Variants in CSMD1 observed in about 807,000 individuals in gnomAD.
CSMD1 encodes CUB and Sushi multiple domains 1.
CSMD1 carries 213 observed loss-of-function variants against 417.5 expected under a neutral mutation model. The observed-to-expected ratio is 0.51, with a 90% CI of 0.46 to 0.57. CSMD1 has a LOEUF of 0.57. Ranked by LOEUF, CSMD1 falls within the 20% of genes least tolerant of loss-of-function variation. CSMD1 has a pLI of 0.00. For synonymous variants in CSMD1, 2,862 were observed against 1,736.8 expected (o/e 1.65, Z -16.11); for missense variants, 6,923 against 4,529.7 (o/e 1.53, Z -15.17).
intron 1 of CSMD1, among the ~76,000 whole-genome samples, chr8:4,693,695 T>G (rs1272509040): frequency 1.3e-5 from 2 of 152,128 alleles, no homozygotes; most frequent in East Asian, 3.9e-4. Context: ...AGATGAGGTC[T>G]CCCTACGCTT....
In CSMD1 at chr8:3,411,906, A is replaced by ATATGCACGTATACATG. The variant is rs1352044536; in HGVS notation, c.1562-2302_1562-2301insCATGTATACGTGCATA. On this transcript the variant is annotated intron_variant, in intron 12 of 69. Transcript: ENST00000635120. ...TACACGTATATATGCACGTATATAT[A>ATATGCACGTATACATG]CACGTATATATGCACGTATATATAC... 8.4e-4 allele frequency among the ~76,000 whole-genome samples: 31 copies of ATATGCACGTATACATG among 36,828 alleles called. 3 individuals are homozygous for ATATGCACGTATACATG. The highest frequency in any genetic ancestry group is 1.7e-3 in the Admixed American group (6 of 3,596). The allele number at this position is 36,828 out of a possible 152,430, so 24.2% of individuals were successfully genotyped here.
chr8:3,158,241 T>G (rs1229118943), intron 38 of CSMD1, among the ~76,000 whole-genome samples: 1 of 152,136 alleles, frequency 6.6e-6, no homozygotes, highest in East Asian at 1.9e-4. Context: ...AGCTCCTTTC[T>G]TGATACTTAA....
chr8:3,752,927 A>G (rs1797433744), intron 6 of CSMD1, among the ~76,000 whole-genome samples: 1 of 152,178 alleles, frequency 6.6e-6, no homozygotes, highest in South Asian at 2.1e-4. Context: ...AAGATAACAG[A>G]TATTTAGACC....
At chr8:4,345,414 T>C (rs1391577830) in intron 3 of CSMD1, among the ~76,000 whole-genome samples, 2 of 152,112 alleles carry the variant, frequency 1.3e-5, no homozygotes, top group African/African-American at 2.4e-5. Context: ...ATGGATACAA[T>C]GTATAGTGAT....
chr8:4,127,461 AAAAAAAAAAAAAAAAAAAG>A (rs1447032606), intron 3 of CSMD1, among the ~76,000 whole-genome samples: 10 of 102,494 alleles, frequency 9.8e-5, no homozygotes, highest in Non-Finnish European at 2.0e-4. Context: ...ATGAAAAAAA[AAAAAAAAAAAAAAAAAAAG>A]AAAATCATAA....
intron 5 of CSMD1, among the ~76,000 whole-genome samples, chr8:3,988,805 A>G (rs1258843026): frequency 6.6e-6 from 1 of 152,224 alleles, no homozygotes; most frequent in East Asian, 1.9e-4. Context: ...ATATTTCCAA[A>G]CAACAAGGAA....
At chr8:4,881,428 T>A (rs1431045721) in intron 1 of CSMD1, among the ~76,000 whole-genome samples, 1 of 45,384 alleles carries the variant, frequency 2.2e-5, no homozygotes, top group Non-Finnish European at 6.6e-5. Context: ...TCTATCTATC[T>A]ATCTATCTAT....
chr8:4,250,441 C>A (rs566766716), intron 3 of CSMD1, among the ~76,000 whole-genome samples: 38 of 151,970 alleles, frequency 2.5e-4, no homozygotes, highest in Non-Finnish European at 4.7e-4. Flanking sequence ...GGGGAACATG[C>A]GTAATACATG....
At chr8:3,505,012 A>C (rs971862204) in intron 10 of CSMD1, among the ~76,000 whole-genome samples, 6 of 71,030 alleles carry the variant, frequency 8.4e-5, no homozygotes, top group Admixed American at 1.4e-4. Flanking sequence ...ATGGAGAAAC[A>C]GTTAAAAAAA....
chr8:3,439,785 T>C (rs979064632), intron 12 of CSMD1, among the ~76,000 whole-genome samples: 2 of 152,188 alleles, frequency 1.3e-5, no homozygotes, highest in African/African-American at 4.8e-5. Flanking sequence ...CTTTTATATG[T>C]TTACATTTAC....
chr8:3,903,026 T>C (rs1807861613), intron 5 of CSMD1, among the ~76,000 whole-genome samples: 1 of 152,144 alleles, frequency 6.6e-6, no homozygotes, highest in Non-Finnish European at 1.5e-5. Flanking sequence ...CGTTTCTGTG[T>C]TATTAAAGTA....
At chr8:3,682,356 G>A (rs1044648404) in intron 7 of CSMD1, among the ~76,000 whole-genome samples, 4 of 151,930 alleles carry the variant, frequency 2.6e-5, no homozygotes, top group African/African-American at 7.2e-5. Context: ...AAAAAAACAA[G>A]CAACCGCATC....
At chr8:3,319,014 A>G (rs1333644066) in intron 23 of CSMD1, among the ~76,000 whole-genome samples, 3 of 152,210 alleles carry the variant, frequency 2.0e-5, no homozygotes, top group Non-Finnish European at 4.4e-5. Flanking sequence ...AGATTCAGCC[A>G]TTCCTATGGA....
At chr8:3,972,542 T>G (rs1316862398) in intron 5 of CSMD1, among the ~76,000 whole-genome samples, 1 of 152,234 alleles carries the variant, frequency 6.6e-6, no homozygotes, top group Non-Finnish European at 1.5e-5. Flanking sequence ...TAAGCACGTG[T>G]GACCACATAT....
chr8:3,789,554 T>G (rs1190089942), intron 5 of CSMD1, among the ~76,000 whole-genome samples: 1 of 151,508 alleles, frequency 6.6e-6, no homozygotes, highest in Non-Finnish European at 1.5e-5. Flanking sequence ...CAAATTAAAG[T>G]AATATATTCA....
intron 31 of CSMD1, among the ~76,000 whole-genome samples, chr8:3,203,318 G>C (rs774000391): frequency 6.6e-6 from 1 of 152,098 alleles, no homozygotes; most frequent in Non-Finnish European, 1.5e-5. Flanking sequence ...GTTCTAACCC[G>C]TCACACACAC....
At chr8:3,577,992 A>G (rs888796213) in intron 9 of CSMD1, among the ~76,000 whole-genome samples, 2 of 152,114 alleles carry the variant, frequency 1.3e-5, no homozygotes, top group African/African-American at 4.8e-5. Flanking sequence ...ACGGTGGTGA[A>G]CAGAGTGTCT....
intron 18 of CSMD1, among the ~76,000 whole-genome samples, chr8:3,376,819 G>T (rs1810337181): frequency 2.0e-5 from 3 of 151,870 alleles, no homozygotes; most frequent in Non-Finnish European, 4.4e-5. Flanking sequence ...TGAAAGCTAT[G>T]AATGTTTAAA....
At chr8:3,713,253 T>G (rs141897399) in intron 6 of CSMD1, among the ~76,000 whole-genome samples, 101 of 152,340 alleles carry the variant, frequency 6.6e-4, no homozygotes, top group African/African-American at 2.3e-3. Flanking sequence ...CTGCCTTCAC[T>G]ATAATCTCTA....
Sources: gnomAD v4.1 joint callset for allele counts (sites outside exome capture counted in the v4.1 genomes callset) on GRCh38, gnomAD v4.1.1 for gene constraint, MANE v1.5 for transcripts, NCBI Gene and HGNC (gene_info 2026-07-23, HGNC 2026-07-21) for gene names.